The following DYM variants were observed in gnomAD, a reference collection of about 807,000 sequenced individuals.
DYM encodes the protein dyggve-Melchior-Clausen syndrome protein.
DYM carries 78 observed loss-of-function variants against 93.1 expected under a neutral mutation model. The observed-to-expected ratio is 0.84, with a 90% CI of 0.70 to 1.01. The LOEUF is 1.01. Ranked by LOEUF, DYM falls within the 50% of genes least tolerant of loss-of-function variation. The pLI, the probability that DYM is intolerant of heterozygous loss-of-function variation, is 0.00. For synonymous variants in DYM, 321 were observed against 319.7 expected (o/e 1.00, Z -0.04); for missense variants, 789 against 845.0 (o/e 0.93, Z 0.82).
intron 9 of DYM, among the ~76,000 whole-genome samples, chr18:49,285,489 C>G (rs745401050): frequency 7.9e-5 from 12 of 152,120 alleles, no homozygotes; most frequent in African/African-American, 2.4e-4. Context: ...ATTATAATAC[C>G]ACGTTTTTAT....
chr18:49,188,562 C>T (rs1255587089), intron 14 of DYM, among the ~76,000 whole-genome samples: 1 of 152,090 alleles, frequency 6.6e-6, no homozygotes, highest in East Asian at 1.9e-4. Context: ...AGCTGGAAAC[C>T]ATCATTCTCA....
intron 14 of DYM, among the ~76,000 whole-genome samples, chr18:49,172,092 C>T (rs2088820233): frequency 6.6e-6 from 1 of 152,132 alleles, no homozygotes; most frequent in Non-Finnish European, 1.5e-5. Context: ...ACTGTAGTTG[C>T]CTTTTCTAAA....
intron 13 of DYM, among the ~76,000 whole-genome samples, chr18:49,214,938 T>A (rs2092957843): frequency 6.6e-6 from 1 of 152,176 alleles, no homozygotes; most frequent in Non-Finnish European, 1.5e-5. Flanking sequence ...CAGGAGGTCA[T>A]CATGTGCAAG....
intron 1 of DYM, among the ~76,000 whole-genome samples, chr18:49,449,329 G>A (rs1454163052): frequency 1.3e-5 from 2 of 152,298 alleles, no homozygotes; most frequent in Admixed American, 1.3e-4. Context: ...GATAAGCAAC[G>A]TTTCCTATAG....
At chr18:49,127,941 G>A (rs999212678) in intron 15 of DYM, among the ~76,000 whole-genome samples, 1 of 152,214 alleles carries the variant, frequency 6.6e-6, no homozygotes, top group East Asian at 1.9e-4. Flanking sequence ...CTCATGCGGG[G>A]ATGTAAAACC....
rs371349628 is a variant in DYM, at chr18:49,213,792, T to TA, written c.1461-4078dup. ...CTCATTAGTAGACCCATTAGTAGAT[T>TA]AAAAAATACCAAGAAATTAAATTAA... On this transcript the variant is annotated intron_variant, in intron 13 of 17. Coordinates refer to ENST00000675505, the MANE Select transcript of DYM (RefSeq NM_001353214.3). 2.0e-4 allele frequency among the ~76,000 whole-genome samples: 30 copies of TA among 152,236 alleles called. 1 individual carries two copies. The highest frequency in any genetic ancestry group is 7.0e-4 in the African/African-American group (29 of 41,524).
chr18:49,087,406 G>T (rs1212165171), intron 17 of DYM, among the ~76,000 whole-genome samples: 2 of 152,118 alleles, frequency 1.3e-5, no homozygotes, highest in Non-Finnish European at 2.9e-5. Context: ...CTTATCCATT[G>T]CAAAGAATAA....
chr18:49,152,046 G>A (rs772371425), intron 15 of DYM, among the ~76,000 whole-genome samples: 2 of 152,044 alleles, frequency 1.3e-5, no homozygotes, highest in Admixed American at 6.6e-5. Flanking sequence ...GAATATGCAT[G>A]GGTTATTTTT....
At chr18:49,289,776 CATAT>C (rs368783117) in intron 8 of DYM, among the ~76,000 whole-genome samples, 1 of 85,520 alleles carries the variant, frequency 1.2e-5, no homozygotes, top group African/African-American at 5.7e-5. Context: ...TATATATACA[CATAT>C]ATATATATAC....
At chr18:49,094,879 G>C (rs1233285824) in intron 17 of DYM, among the ~76,000 whole-genome samples, 1 of 152,180 alleles carries the variant, frequency 6.6e-6, no homozygotes, top group African/African-American at 2.4e-5. Context: ...TTTTTCATGA[G>C]TAAGGGGCGC....
intron 8 of DYM, among the ~76,000 whole-genome samples, chr18:49,300,082 T>TATAAATATATATATAAATATATAAATAC: frequency 1.5e-5 from 2 of 135,106 alleles, no homozygotes; most frequent in Non-Finnish European, 1.6e-5. Context: ...TATATATATA[T>TATAAATATATATATAAATATATAAATAC]ATAAATATAT....
At chr18:49,189,039 G>A (rs891267031) in intron 14 of DYM, among the ~76,000 whole-genome samples, 1 of 151,950 alleles carries the variant, frequency 6.6e-6, no homozygotes, top group Non-Finnish European at 1.5e-5. Flanking sequence ...TGATTCCTAG[G>A]TGAATTAACA....
At chr18:49,324,914 A>G (rs2062776540) in intron 8 of DYM, among the ~76,000 whole-genome samples, 1 of 152,164 alleles carries the variant, frequency 6.6e-6, no homozygotes, top group Non-Finnish European at 1.5e-5. Context: ...ATTACACATA[A>G]GGTAATGAGA....
At chr18:49,244,140 T>C (rs971859496) in intron 13 of DYM, among the ~76,000 whole-genome samples, 5 of 152,206 alleles carry the variant, frequency 3.3e-5, no homozygotes, top group African/African-American at 1.2e-4. Context: ...GCAAAAGTTT[T>C]GTCATCAACT....
intron 6 of DYM, among the ~76,000 whole-genome samples, chr18:49,340,529 T>A (rs1307757747): frequency 2.6e-5 from 4 of 152,076 alleles, no homozygotes; most frequent in Non-Finnish European, 2.9e-5. Flanking sequence ...AATGAATGGA[T>A]GAATACTAAA....
At chr18:49,058,766 C>G (rs2075713498) in intron 17 of DYM, among the ~76,000 whole-genome samples, 1 of 152,060 alleles carries the variant, frequency 6.6e-6, no homozygotes, top group Non-Finnish European at 1.5e-5. Flanking sequence ...AAGGATCTTT[C>G]AAAAGGAAAT....
chr18:49,102,403 T>C (rs1476396106), intron 16 of DYM, among the ~76,000 whole-genome samples: 1 of 152,140 alleles, frequency 6.6e-6, no homozygotes, highest in African/African-American at 2.4e-5. Context: ...TATTTGGAGA[T>C]TTTCCAGATA....
intron 8 of DYM, among the ~76,000 whole-genome samples, chr18:49,292,624 A>AAAAAAAAAAAAAAAAC (rs1568189068): frequency 1.5e-5 from 1 of 65,044 alleles, no homozygotes; most frequent in Non-Finnish European, 3.4e-5. Context: ...AAAAAAAAAA[A>AAAAAAAAAAAAAAAAC]ACCCCCACAA....
chr18:49,217,715 C>G lies in DYM; in HGVS notation c.1461-8000G>C, dbSNP rs957167576. ...AGACAAGCAAATGCTGAGAGATTTT[C>G]TCACCACCAGGCCTGCCCTAAAAGA... On this transcript the variant is annotated intron_variant, in intron 13 of 17. Transcript: ENST00000675505. 7.9e-5 allele frequency among the ~76,000 whole-genome samples: 12 copies of G among 152,208 alleles called. No individual in the cohort carries two copies. In the East Asian group the frequency reaches 1.2e-3, roughly 15 times the overall value.
Sources: allele counts gnomAD v4.1 joint callset (sites outside exome capture counted in the v4.1 genomes callset), GRCh38; gene constraint gnomAD v4.1.1; transcripts MANE v1.5; gene names NCBI Gene and HGNC (gene_info 2026-07-23, HGNC 2026-07-21).